Variants in ANTXR1 observed in about 807,000 individuals in gnomAD.
ANTXR1 encodes the protein anthrax toxin receptor 1.
ANTXR1 carries 19 observed loss-of-function variants against 78.1 expected under a neutral mutation model. The observed-to-expected ratio is 0.24, with a 90% CI of 0.17 to 0.36. The LOEUF (loss-of-function observed/expected upper bound fraction) is 0.36. Among genes scored for constraint, ANTXR1 ranks in the 10% least tolerant of loss-of-function variants. The probability of loss-of-function intolerance (pLI) is 1.00; values close to 1 mark genes in which losing one functional copy is unlikely to be tolerated. For missense variants in ANTXR1, 518 were observed against 718.6 expected, an observed-to-expected ratio of 0.72 and a Z score of 3.19; for synonymous variants, 273 against 260.5, an observed-to-expected ratio of 1.05 and a Z score of -0.46.
At chr2:69,141,895 C>T (rs1573927362) in intron 12 of ANTXR1, among the ~76,000 whole-genome samples, 1 of 152,154 alleles carries the variant, frequency 6.6e-6, no homozygotes. Context: ...ACTGATACCC[C>T]CAAATAGATG....
At chr2:69,142,627 C>A (rs1036822375) in intron 12 of ANTXR1, among the ~76,000 whole-genome samples, 1 of 152,134 alleles carries the variant, frequency 6.6e-6, no homozygotes, top group Non-Finnish European at 1.5e-5. Flanking sequence ...GAGGGCCTAG[C>A]ACATGGTAGG....
intron 10 of ANTXR1, among the ~76,000 whole-genome samples, chr2:69,120,408 G>A (rs146771233): frequency 0.012 from 1,897 of 152,290 alleles, 34 homozygotes; most frequent in African/African-American, 0.042. Flanking sequence ...GCTCACGCCT[G>A]TAATCCCAGC....
At chr2:69,098,695 T>TG (rs1380615096) in intron 9 of ANTXR1, among the ~76,000 whole-genome samples, 1 of 152,128 alleles carries the variant, frequency 6.6e-6, no homozygotes, top group African/African-American at 2.4e-5. Context: ...TTTTAAAAGG[T>TG]ACAATTCAGG....
chr2:69,185,634 T>A (rs1487520380), intron 16 of ANTXR1, among the ~76,000 whole-genome samples: 1 of 151,602 alleles, frequency 6.6e-6, no homozygotes, highest in Non-Finnish European at 1.5e-5. Flanking sequence ...GCAGGAACTG[T>A]GGTGCCTGGA....
intron 11 of ANTXR1, among the ~76,000 whole-genome samples, chr2:69,124,193 C>T (rs1328392610): frequency 6.6e-6 from 1 of 152,222 alleles, no homozygotes; most frequent in African/African-American, 2.4e-5. Flanking sequence ...TTAGCCCAGT[C>T]TACCCCCATT....
intron 17 of ANTXR1, among the ~76,000 whole-genome samples, chr2:69,223,016 TTAC>T (rs1328973437): frequency 6.6e-6 from 1 of 152,244 alleles, no homozygotes; most frequent in Non-Finnish European, 1.5e-5. Context: ...AAGAGGCTCT[TTAC>T]TATCAGCATG....
At chr2:69,017,008 G>A (rs1365098592) in intron 1 of ANTXR1, among the ~76,000 whole-genome samples, 4 of 152,204 alleles carry the variant, frequency 2.6e-5, no homozygotes, top group Non-Finnish European at 2.9e-5. Context: ...GACCTTTACA[G>A]ACATTCAGGT....
intron 1 of ANTXR1, among the ~76,000 whole-genome samples, chr2:69,039,151 G>T (rs1186906717): frequency 6.6e-6 from 1 of 152,152 alleles, no homozygotes; most frequent in African/African-American, 2.4e-5. Context: ...GCCTGAAATT[G>T]ATCCTTAGGT....
At chr2:69,146,255 C>T in intron 12 of ANTXR1, 1 of 985,406 alleles carries the variant, frequency 1.0e-6, no homozygotes, top group Non-Finnish European at 1.2e-6. Context: ...CCATGGGCTG[C>T]CTGCTTGACC....
chr2:69,226,683 T>C (rs778209637), intron 17 of ANTXR1, among the ~76,000 whole-genome samples: 20 of 152,176 alleles, frequency 1.3e-4, no homozygotes, highest in Non-Finnish European at 2.5e-4. Flanking sequence ...GTAGAGGTCA[T>C]ACCGTTTGTC....
chr2:69,196,522 G>C (rs1011976031), intron 17 of ANTXR1, among the ~76,000 whole-genome samples: 1 of 152,160 alleles, frequency 6.6e-6, no homozygotes, highest in Non-Finnish European at 1.5e-5. Context: ...GGCGAGGCAG[G>C]GGGGGCAATA....
At chr2:69,090,221 C>T (rs139299336) in intron 8 of ANTXR1, among the ~76,000 whole-genome samples, 40 of 151,886 alleles carry the variant, frequency 2.6e-4, no homozygotes, top group African/African-American at 9.2e-4. Flanking sequence ...TGACCATTTC[C>T]GTCCTATCTC....
chr2:69,106,714 C>G (rs960926019), intron 10 of ANTXR1, among the ~76,000 whole-genome samples: 2 of 152,212 alleles, frequency 1.3e-5, no homozygotes, highest in Non-Finnish European at 2.9e-5. Flanking sequence ...ATCTCTGTGG[C>G]CCTACAGAGG....
Position 69,245,504 on chromosome 2 carries a change from TG to T in ANTXR1, c.*22del. ...TGTCTAGAGCCCAAAGTTCCTGCTC[TG>T]GGCTCTCTCAGAAACTTCAGGAGAT... On this transcript the variant is annotated 3_prime_UTR_variant, in exon 18 of 18. Coordinates refer to ENST00000303714, the MANE Select transcript of ANTXR1 (RefSeq NM_032208.3). 1 of 1,612,422 alleles carries T rather than the reference TG, an allele frequency of 6.2e-7. No homozygotes were observed. Among genetic ancestry groups the T allele is most frequent in the Non-Finnish European group, 8.5e-7 (1 of 1,179,362 alleles).
At chr2:69,145,248 C>A in intron 12 of ANTXR1, 1 of 1,428,556 alleles carries the variant, frequency 7.0e-7, no homozygotes, top group Non-Finnish European at 9.6e-7. Context: ...TTGCATGGGT[C>A]CCTGCTAGGC....
intron 17 of ANTXR1, among the ~76,000 whole-genome samples, chr2:69,214,924 A>T (rs1360712859): frequency 6.6e-6 from 1 of 152,122 alleles, no homozygotes; most frequent in Non-Finnish European, 1.5e-5. Flanking sequence ...TGGGTCTAGC[A>T]GTCACCTCCA....
intron 12 of ANTXR1, chr2:69,145,778 T>C (rs541029401): frequency 9.9e-7 from 1 of 1,008,548 alleles, no homozygotes; most frequent in South Asian, 4.4e-5. Flanking sequence ...GGAGCAGCAG[T>C]GTTTGATACC....
intron 13 of ANTXR1, among the ~76,000 whole-genome samples, chr2:69,163,976 G>T (rs1673754677): frequency 6.6e-6 from 1 of 152,212 alleles, no homozygotes; most frequent in African/African-American, 2.4e-5. Flanking sequence ...GCACAGTTTT[G>T]CAGTTTAGTG....
At chr2:69,123,938 G>A (rs13410029) in intron 11 of ANTXR1, among the ~76,000 whole-genome samples, 38,274 of 152,160 alleles carry the variant, frequency 0.25, 5,468 homozygotes, top group African/African-American at 0.38. Context: ...TTCATATTGT[G>A]AAACCTCCAA....
Sources: gnomAD v4.1 joint callset for allele counts (sites outside exome capture counted in the v4.1 genomes callset) on GRCh38, gnomAD v4.1.1 for gene constraint, MANE v1.5 for transcripts, NCBI Gene and HGNC (gene_info 2026-07-23, HGNC 2026-07-21) for gene names.